FSTL5: variants seen among roughly 807,000 people sequenced by gnomAD.
FSTL5 encodes follistatin like 5.
A neutral mutation model predicts 89.1 loss-of-function variants in FSTL5; 62 were observed. That is an observed-to-expected ratio of 0.70 (90% CI 0.57 to 0.86). FSTL5 has a LOEUF of 0.86. FSTL5 is among the 40% of genes least tolerant of loss of function. The pLI, the probability that FSTL5 is intolerant of heterozygous loss-of-function variation, is 0.00. For synonymous variants in FSTL5, 383 were observed against 346.2 expected (o/e 1.11, Z -1.18); for missense variants, 1,057 against 1,001.6 (o/e 1.06, Z -0.75).
At chr4:161,531,030 C>T (rs948175533) in intron 10 of FSTL5, among the ~76,000 whole-genome samples, 10 of 152,124 alleles carry the variant, frequency 6.6e-5, no homozygotes, top group African/African-American at 2.4e-4. Context: ...CCCTATGGTC[C>T]AGTTCTACTG....
Position 161,488,233 on chromosome 4 carries a change from A to T in FSTL5, c.1459-7064T>A, listed in dbSNP as rs114207134. Among the ~76,000 whole-genome samples the T allele has an allele frequency of 3.4e-3, 520 of 152,212 alleles. 3 individuals carry two copies. Among genetic ancestry groups the T allele is most frequent in the African/African-American group, 0.011 (472 of 41,570 alleles). Reference sequence around the variant, plus strand: ...TTTATCCCATTCAATTTCCGATTTCATTTATAAATATCATAAGTAGTCTTT... The same window carrying T: ...TTTATCCCATTCAATTTCCGATTTCTTTTATAAATATCATAAGTAGTCTTT... On this transcript the variant is annotated intron_variant, in intron 12 of 15. Coordinates refer to ENST00000306100, the MANE Select transcript of FSTL5 (RefSeq NM_020116.5).
chr4:162,131,709 A>C (rs1225045624), intron 1 of FSTL5, among the ~76,000 whole-genome samples: 1 of 152,192 alleles, frequency 6.6e-6, no homozygotes, highest in Admixed American at 6.6e-5. Flanking sequence ...ATGAGTCAGA[A>C]ACTTCAGCCA....
chr4:161,439,827 G>A (rs1732698213), intron 15 of FSTL5, among the ~76,000 whole-genome samples: 1 of 152,080 alleles, frequency 6.6e-6, no homozygotes, highest in African/African-American at 2.4e-5. Flanking sequence ...GCAAAATTAA[G>A]TTATATAGAC....
chr4:162,062,554 G>C (rs531015087), intron 2 of FSTL5, among the ~76,000 whole-genome samples: 4 of 151,318 alleles, frequency 2.6e-5, no homozygotes, highest in Admixed American at 1.3e-4. Context: ...ACATTCACAG[G>C]CCTGACATTT....
chr4:161,386,557 C>T (rs763394108), intron 15 of FSTL5, 108 bp from the exon 16 acceptor site: 12 of 696,750 alleles, frequency 1.7e-5, no homozygotes, highest in Admixed American at 2.9e-5. Context: ...AATTGTCAGG[C>T]GAGGCAGCAA....
intron 7 of FSTL5, among the ~76,000 whole-genome samples, chr4:161,623,896 A>C (rs2126648895): frequency 6.6e-6 from 1 of 152,096 alleles, no homozygotes; most frequent in South Asian, 2.1e-4. Flanking sequence ...AACTTCCAGG[A>C]CTTGCTTATA....
rs751181020 is a variant in FSTL5, at chr4:161,783,677, CTCTTTCTTTCTTTCTT to C, written c.410-7619_410-7604del. Among the ~76,000 whole-genome samples, 10 of 8,184 alleles carry C rather than the reference CTCTTTCTTTCTTTCTT, an allele frequency of 1.2e-3. 2 individuals carry two copies. The highest frequency in any genetic ancestry group is 3.2e-3 in the African/African-American group (10 of 3,174). 5.4% of individuals were successfully genotyped at this position (8,184 alleles called of 152,430 possible). On this transcript the variant is annotated intron_variant, in intron 4 of 15. Transcript: ENST00000306100. ...TTTCTTTCTTTCTCTTTCTTTCTTT[CTCTTTCTTTCTTTCTT>C]TCTTTCTTTCTTTCTTTCTTTCTTT... is the stretch of plus-strand genomic sequence containing the variant.
chr4:161,888,369 C>T (rs1420052124), intron 4 of FSTL5, among the ~76,000 whole-genome samples: 1 of 152,062 alleles, frequency 6.6e-6, no homozygotes, highest in Non-Finnish European at 1.5e-5. Flanking sequence ...ACCAAGGAAG[C>T]CTGGGTTTCT....
intron 11 of FSTL5, among the ~76,000 whole-genome samples, chr4:161,506,617 A>T (rs1270682869): frequency 6.6e-6 from 1 of 151,988 alleles, no homozygotes; most frequent in Non-Finnish European, 1.5e-5. Flanking sequence ...CACACTTAGA[A>T]GCTGTATTTT....
chr4:162,020,367 T>C (rs544410470), intron 3 of FSTL5, among the ~76,000 whole-genome samples: 1 of 152,106 alleles, frequency 6.6e-6, no homozygotes, highest in Non-Finnish European at 1.5e-5. Context: ...ACAAATGATA[T>C]CCTCTAATAG....
chr4:161,499,314 T>A (rs1377254677), intron 12 of FSTL5, among the ~76,000 whole-genome samples: 1 of 152,210 alleles, frequency 6.6e-6, no homozygotes, highest in African/African-American at 2.4e-5. Flanking sequence ...ATTTAGCCTA[T>A]GGCTGAAATA....
At chr4:161,700,503 C>T (rs1036245705) in intron 6 of FSTL5, among the ~76,000 whole-genome samples, 1 of 150,466 alleles carries the variant, frequency 6.6e-6, no homozygotes. Flanking sequence ...AAATTGTTAT[C>T]GATTTATTTA....
intron 2 of FSTL5, among the ~76,000 whole-genome samples, chr4:162,053,061 TA>T (rs1560993558): frequency 6.6e-6 from 1 of 151,908 alleles, no homozygotes; most frequent in South Asian, 2.1e-4. Flanking sequence ...ACAAATGAAG[TA>T]AAAAATTAAT....
At chr4:161,805,797 C>G (rs2126834170) in intron 4 of FSTL5, among the ~76,000 whole-genome samples, 1 of 152,178 alleles carries the variant, frequency 6.6e-6, no homozygotes, top group South Asian at 2.1e-4. Context: ...CTACCATTTA[C>G]AGTATACAAT....
At chr4:161,500,249 T>A in intron 11 of FSTL5, 115 bp from the exon 12 acceptor site, 1 of 641,704 alleles carries the variant, frequency 1.6e-6, no homozygotes. Flanking sequence ...AGTTGTGTAA[T>A]GTTAATAAAG....
intron 11 of FSTL5, 35 bp from the exon 12 acceptor site, chr4:161,500,169 A>G: frequency 3.0e-6 from 4 of 1,339,626 alleles, no homozygotes; most frequent in Non-Finnish European, 4.2e-6. Flanking sequence ...TGTTCAAAAT[A>G]TAATTATCAT....
At chr4:161,751,605 T>A (rs975500831) in intron 6 of FSTL5, among the ~76,000 whole-genome samples, 6 of 152,078 alleles carry the variant, frequency 3.9e-5, no homozygotes, top group African/African-American at 1.4e-4. Context: ...CAAAGTCCCA[T>A]CTCTACTAAA....
chr4:161,546,307 T>G (rs548552163), intron 8 of FSTL5, among the ~76,000 whole-genome samples: 3 of 148,264 alleles, frequency 2.0e-5, no homozygotes, highest in Non-Finnish European at 4.5e-5. Context: ...TATATATATA[T>G]ACACATATAT....
Position 161,748,464 on chromosome 4 carries a change from G to C in FSTL5, c.727+10947C>G, listed in dbSNP as rs145581304. 9.1e-3 allele frequency among the ~76,000 whole-genome samples: 1,389 copies of C among 152,046 alleles called. 17 individuals carry two copies. The highest frequency in any genetic ancestry group is 0.015 in the Non-Finnish European group (1,007 of 67,978). ...AGTAATTTCCCTAGAGTTCTCAGAGGTAACAATATTCTAGAGCTATTTGTA... is the reference window on the plus strand; with the variant it reads ...AGTAATTTCCCTAGAGTTCTCAGAGCTAACAATATTCTAGAGCTATTTGTA... On this transcript the variant is annotated intron_variant, in intron 6 of 15. Coordinates refer to ENST00000306100, the MANE Select transcript of FSTL5 (RefSeq NM_020116.5).
Sources: allele counts gnomAD v4.1 joint callset (sites outside exome capture counted in the v4.1 genomes callset), GRCh38; gene constraint gnomAD v4.1.1; transcripts MANE v1.5; gene names NCBI Gene and HGNC (gene_info 2026-07-23, HGNC 2026-07-21).